The following CD8B variants were observed in gnomAD, a reference collection of about 807,000 sequenced individuals.
CD8B encodes the protein T-cell surface glycoprotein CD8 beta chain.
A neutral mutation model predicts 24.2 loss-of-function variants in CD8B; 6 were observed. That is an observed-to-expected ratio of 0.25 (90% CI 0.14 to 0.49). CD8B has a LOEUF of 0.49. CD8B is among the 20% of genes least tolerant of loss of function. The probability of loss-of-function intolerance (pLI) is 0.98; values close to 1 mark genes in which losing one functional copy is unlikely to be tolerated. For synonymous variants in CD8B, 84 were observed against 108.3 expected, an observed-to-expected ratio of 0.78 and a Z score of 1.39; for missense variants, 196 against 271.3, an observed-to-expected ratio of 0.72 and a Z score of 1.95.
chr2:86,831,657 GAGGCAGCAGAAACCC>G (rs905289918), intron 5 of CD8B, among the ~76,000 whole-genome samples: 12 of 133,308 alleles, frequency 9.0e-5, no homozygotes, highest in Non-Finnish European at 1.8e-5. Context: ...GACCTCTGAT[GAGGCAGCAGAAACCC>G]AGAAGCCAGA....
chr2:86,820,924 T>G (rs1674439995), intron 5 of CD8B, among the ~76,000 whole-genome samples: 1 of 152,176 alleles, frequency 6.6e-6, no homozygotes, highest in African/African-American at 2.4e-5. Flanking sequence ...ATATTATCAT[T>G]ATTCTTGTTT....
At chr2:86,825,445 T>C (rs975876965) in intron 5 of CD8B, among the ~76,000 whole-genome samples, 2 of 152,158 alleles carry the variant, frequency 1.3e-5, no homozygotes, top group East Asian at 1.9e-4. Context: ...CTCATTTCAA[T>C]CTGACCCCAT....
chr2:86,824,038 G>C (rs921437358), intron 5 of CD8B, among the ~76,000 whole-genome samples: 1 of 151,298 alleles, frequency 6.6e-6, no homozygotes, highest in African/African-American at 2.4e-5. Context: ...GAGATGGCAG[G>C]CCTCAGCACT....
chr2:86,835,231 G>C (rs946601016), downstream of CD8B, among the ~76,000 whole-genome samples: 1 of 152,090 alleles, frequency 6.6e-6, no homozygotes, highest in Non-Finnish European at 1.5e-5. Flanking sequence ...ACCCAACATG[G>C]CTTTCTGAGT....
At chr2:86,816,881 G>A (rs1484826121) in intron 5 of CD8B, among the ~76,000 whole-genome samples, 2 of 151,948 alleles carry the variant, frequency 1.3e-5, no homozygotes, top group African/African-American at 4.8e-5. Context: ...AAGTATGCAG[G>A]GCAAAAACCA....
chr2:86,846,239 A>C (rs1201955557), intron 4 of CD8B, among the ~76,000 whole-genome samples: 3 of 152,146 alleles, frequency 2.0e-5, no homozygotes, highest in Non-Finnish European at 2.9e-5. Context: ...GAGGATTTCT[A>C]GCTTCTAGGA....
chr2:86,831,688 G>A (rs1033039091), intron 5 of CD8B, among the ~76,000 whole-genome samples: 2 of 152,058 alleles, frequency 1.3e-5, no homozygotes, highest in Non-Finnish European at 2.9e-5. Flanking sequence ...CCAGAACACC[G>A]CTAACCAGTA....
chr2:86,818,821 G>A (rs1274967618), intron 5 of CD8B, among the ~76,000 whole-genome samples: 2 of 152,210 alleles, frequency 1.3e-5, no homozygotes, highest in African/African-American at 4.8e-5. Flanking sequence ...TAGTGAGGAA[G>A]GGATGCTGAA....
chr2:86,854,263 C>T (rs1165161168), intron 2 of CD8B, among the ~76,000 whole-genome samples: 2 of 152,228 alleles, frequency 1.3e-5, no homozygotes, highest in South Asian at 2.1e-4. Context: ...TTTGGCACAA[C>T]GAGCCCCTCC....
At chr2:86,820,051 A>T (rs1035287596) in intron 5 of CD8B, among the ~76,000 whole-genome samples, 1 of 152,212 alleles carries the variant, frequency 6.6e-6, no homozygotes, top group African/African-American at 2.4e-5. Context: ...GACGTGGCTG[A>T]ATTGTTGCAA....
At chr2:86,833,643 T>C (rs547303733), downstream of CD8B, among the ~76,000 whole-genome samples, 474 of 72,238 alleles carry the variant, frequency 6.6e-3, 2 homozygotes, top group Non-Finnish European at 9.9e-3. Context: ...CTCCCTCCCT[T>C]CCTTCCTTCC....
At chr2:86,857,440 C>G (rs972310444) in intron 2 of CD8B, among the ~76,000 whole-genome samples, 1 of 152,168 alleles carries the variant, frequency 6.6e-6, no homozygotes, top group African/African-American at 2.4e-5. Context: ...AATGCCTGGC[C>G]AGGCATGGTG....
chr2:86,835,192 C>A (rs62146875), downstream of CD8B, among the ~76,000 whole-genome samples: 1 of 151,998 alleles, frequency 6.6e-6, no homozygotes, highest in Admixed American at 6.5e-5. Context: ...CTTCTCTCCT[C>A]CTTCATCCCC....
chr2:86,856,702 C>G (rs188227166), intron 2 of CD8B, among the ~76,000 whole-genome samples: 1 of 151,584 alleles, frequency 6.6e-6, no homozygotes, highest in African/African-American at 2.4e-5. Context: ...AGAGCCAGAG[C>G]CAGGCTGTGA....
chr2:86,857,103 G>A (rs1165528409), intron 2 of CD8B, among the ~76,000 whole-genome samples: 2 of 151,898 alleles, frequency 1.3e-5, no homozygotes, highest in East Asian at 1.9e-4. Context: ...CAGCACCCCC[G>A]TGTGACACAG....
In CD8B at chr2:86,841,732, C is replaced by T. The variant is rs1406451119; in HGVS notation, c.*575G>A. ...ATGGGAGCTGAGAAGATGAAGTGAA[C>T]TCCTATCCTCAAACCCGCAAGTTCC... On this transcript the variant is annotated 3_prime_UTR_variant, in exon 6 of 6. Coordinates refer to ENST00000390655, the MANE Select transcript of CD8B (RefSeq NM_004931.5). 6.1e-6 allele frequency: 6 copies of T among 985,402 alleles called. No individual in the cohort carries two copies. The highest frequency in any genetic ancestry group is 6.0e-6 in the Non-Finnish European group (5 of 830,030). 61.0% of individuals were successfully genotyped at this position (985,402 alleles called of 1,614,324 possible). A position where few individuals can be genotyped will look rare whatever the true frequency, so the allele number is the denominator to read the frequency against.
At chr2:86,853,148 A>G in intron 2 of CD8B, 62 bp from the exon 3 acceptor site, 3 of 1,548,836 alleles carry the variant, frequency 1.9e-6, no homozygotes, top group Non-Finnish European at 2.6e-6. Context: ...CTCAAAGACA[A>G]AACTTTGTCT....
chr2:86,860,988 G>A (rs1036319611), intron 1 of CD8B, among the ~76,000 whole-genome samples: 1 of 152,206 alleles, frequency 6.6e-6, no homozygotes, highest in African/African-American at 2.4e-5. Flanking sequence ...GGGACCTGAT[G>A]TTTCTAGATC....
At position 86,844,739 on chromosome 2, in the gene CD8B, C is replaced by A. The variant is rs1005589024; in HGVS notation, c.620+183G>T. On this transcript the variant is annotated intron_variant, in intron 5 of 5. Transcript: ENST00000390655. ...CTCACTGCAGCCTTGAACTCCTGGG[C>A]TCAAGTGATCCTCCTGCTTCAGCCT... 5.9e-6 allele frequency: 9 copies of A among 1,526,198 alleles called. No individual in the cohort carries two copies. In the African/African-American group the frequency reaches 1.1e-4, roughly 19 times the overall value. The allele number at this position is 1,526,198 out of a possible 1,614,324, so 94.5% of individuals were successfully genotyped here.
Sources: allele counts gnomAD v4.1 joint callset (sites outside exome capture counted in the v4.1 genomes callset), GRCh38; gene constraint gnomAD v4.1.1; transcripts MANE v1.5; gene names NCBI Gene and HGNC (gene_info 2026-07-23, HGNC 2026-07-21).